LRRTM3: variants seen among roughly 807,000 people sequenced by gnomAD.
LRRTM3 encodes leucine-rich repeat transmembrane neuronal protein 3.
LRRTM3 carries 24 observed loss-of-function variants against 44.7 expected under a neutral mutation model. That is an observed-to-expected ratio of 0.54 (90% CI 0.39 to 0.76). The LOEUF (loss-of-function observed/expected upper bound fraction) is 0.76, where lower values mean the gene tolerates loss of function less well. Ranked by LOEUF, LRRTM3 falls within the 30% of genes least tolerant of loss-of-function variation. LRRTM3 has a pLI of 0.00. For synonymous variants in LRRTM3, 277 were observed against 278.7 expected (o/e 0.99, Z 0.06); for missense variants, 587 against 702.2 (o/e 0.84, Z 1.85).
At chr10:66,945,810 T>C (rs765617330) in intron 2 of LRRTM3, among the ~76,000 whole-genome samples, 1 of 152,122 alleles carries the variant, frequency 6.6e-6, no homozygotes, top group African/African-American at 2.4e-5. Flanking sequence ...ATTTCAACTT[T>C]GATGTGTCTC....
chr10:66,949,790 C>G (rs973989322), intron 2 of LRRTM3, among the ~76,000 whole-genome samples: 7 of 151,916 alleles, frequency 4.6e-5, no homozygotes, highest in African/African-American at 1.7e-4. Flanking sequence ...CTTGTGTTCC[C>G]AATGCACACC....
At chr10:67,047,158 CT>C (rs1564853287) in intron 2 of LRRTM3, among the ~76,000 whole-genome samples, 1 of 152,172 alleles carries the variant, frequency 6.6e-6, no homozygotes, top group African/African-American at 2.4e-5. Flanking sequence ...TATAGAATCT[CT>C]AGTACAATGC....
At chr10:67,040,028 G>A (rs1265148064) in intron 2 of LRRTM3, among the ~76,000 whole-genome samples, 2 of 152,024 alleles carry the variant, frequency 1.3e-5, no homozygotes, top group Admixed American at 6.6e-5. Flanking sequence ...TCATGAGGAG[G>A]GTTAGTGACA....
chr10:66,980,565 T>TTCTGTTTCCCA (rs1564809959), intron 2 of LRRTM3, among the ~76,000 whole-genome samples: 3 of 152,090 alleles, frequency 2.0e-5, no homozygotes, highest in Non-Finnish European at 2.9e-5. Flanking sequence ...GAGACCTTCC[T>TTCTGTTTCCCA]ACCCACCTGT....
intron 2 of LRRTM3, among the ~76,000 whole-genome samples, chr10:67,006,394 T>C (rs962125007): frequency 6.6e-6 from 1 of 152,120 alleles, no homozygotes; most frequent in Non-Finnish European, 1.5e-5. Context: ...CTCCACCCCT[T>C]CTCTTTCTCC....
chr10:67,032,867 A>G (rs749657589), intron 2 of LRRTM3, among the ~76,000 whole-genome samples: 2 of 152,208 alleles, frequency 1.3e-5, no homozygotes, highest in African/African-American at 2.4e-5. Context: ...TTTCAGCTGT[A>G]TATTAAAACA....
intron 2 of LRRTM3, among the ~76,000 whole-genome samples, chr10:67,079,068 A>G (rs1240713627): frequency 6.6e-6 from 1 of 152,216 alleles, no homozygotes; most frequent in East Asian, 1.9e-4. Context: ...ATTTCAAGCC[A>G]CCAATAATTC....
chr10:66,961,350 TA>T (rs1472553582), intron 2 of LRRTM3, among the ~76,000 whole-genome samples: 1 of 152,192 alleles, frequency 6.6e-6, no homozygotes, highest in Admixed American at 6.5e-5. Context: ...TTGCTCAGTC[TA>T]AAGTCAGTTC....
At chr10:66,971,381 G>A (rs1252186875) in intron 2 of LRRTM3, among the ~76,000 whole-genome samples, 1 of 152,008 alleles carries the variant, frequency 6.6e-6, no homozygotes, top group Admixed American at 6.6e-5. Flanking sequence ...AGCCGAGATC[G>A]TGCCACTGCA....
rs560055166 is a variant in LRRTM3 at position 66,960,576 on chromosome 10, GA to G, written c.1536+32128del. The stretch of plus-strand genomic sequence containing the variant: ...TAATTATTCACAAATGACTACAAGA[GA>G]AAAGAGAGAAAAACAGAAGACATTT... On this transcript the variant is annotated intron_variant, in intron 2 of 2. Coordinates refer to ENST00000361320, the MANE Select transcript of LRRTM3 (RefSeq NM_178011.5). Among the ~76,000 whole-genome samples the G allele has an allele frequency of 1.4e-4, 21 of 152,246 alleles. No individual in the cohort carries two copies. In the East Asian group the frequency reaches 4.0e-3, roughly 29 times the overall value.
chr10:67,090,230 G>A (rs10822973), intron 2 of LRRTM3, among the ~76,000 whole-genome samples: 16,909 of 151,928 alleles, frequency 0.11, 1,116 homozygotes, highest in African/African-American at 0.19. Flanking sequence ...CCTTGTATTG[G>A]TCAATATGTG....
Position 66,927,007 on chromosome 10 carries a change from G to A in LRRTM3, c.91G>A (p.Glu31Lys), listed in dbSNP as rs755532610. The A allele has an allele frequency of 2.5e-6, 4 of 1,614,056 alleles. No homozygotes were observed. The highest frequency in any genetic ancestry group is 3.4e-6 in the Non-Finnish European group (4 of 1,180,024). Residue 31 changes from glutamate to lysine, a missense_variant, in exon 2 of 3, where the codon GAA (glutamate) becomes AAA (lysine). Around this residue, in one of 3 missense-constraint regions of LRRTM3, gnomAD observed 50 missense variants for 43.4 expected, o/e 1.15. Transcript: ENST00000361320. The surrounding 1 kb of genome is among the most constrained non-coding windows in gnomAD (Gnocchi z 4.7). ...CTTACTGACAATGCTTTCTTCTGCC[G>A]AACGAGGATGCCCTAAGGGCTGTAG... is the stretch of plus-strand genomic sequence containing the variant. ...TVLLTMLSSA[E>K]RGCPKGCRCE...
chr10:67,072,557 G>A (rs1408123205), intron 2 of LRRTM3, among the ~76,000 whole-genome samples: 1 of 152,146 alleles, frequency 6.6e-6, no homozygotes, highest in African/African-American at 2.4e-5. Flanking sequence ...GAGGCTGGAC[G>A]TCTCAAGCCA....
chr10:67,021,649 T>G (rs1187524310), intron 2 of LRRTM3, among the ~76,000 whole-genome samples: 2 of 152,110 alleles, frequency 1.3e-5, no homozygotes, highest in Non-Finnish European at 2.9e-5. Flanking sequence ...TTATTGCAAC[T>G]AAAATGTAAA....
intron 2 of LRRTM3, among the ~76,000 whole-genome samples, chr10:67,038,523 T>G (rs1435053319): frequency 6.6e-6 from 1 of 152,088 alleles, no homozygotes; most frequent in Non-Finnish European, 1.5e-5. Context: ...TTGATATATA[T>G]TCTGATATCA....
At chr10:67,057,108 T>C (rs1360780587) in intron 2 of LRRTM3, among the ~76,000 whole-genome samples, 1 of 152,228 alleles carries the variant, frequency 6.6e-6, no homozygotes, top group Non-Finnish European at 1.5e-5. Context: ...TCTAAAACAT[T>C]GTCTTTCAAT....
intron 2 of LRRTM3, among the ~76,000 whole-genome samples, chr10:67,086,288 G>A (rs924198348): frequency 1.3e-5 from 2 of 152,002 alleles, no homozygotes; most frequent in Non-Finnish European, 2.9e-5. Context: ...TAAAACAGGT[G>A]CAAGATTTTT....
intron 2 of LRRTM3, among the ~76,000 whole-genome samples, chr10:67,049,559 G>C (rs1220163205): frequency 1.3e-5 from 2 of 151,952 alleles, no homozygotes; most frequent in African/African-American, 4.8e-5. Flanking sequence ...AAACTTCAAG[G>C]GTTTATTTCA....
At chr10:67,021,184 G>T (rs1852987570) in intron 2 of LRRTM3, among the ~76,000 whole-genome samples, 1 of 152,024 alleles carries the variant, frequency 6.6e-6, no homozygotes, top group Non-Finnish European at 1.5e-5. Flanking sequence ...ATCAAGATCA[G>T]AAAAGAAGTT....
Sources: gnomAD v4.1 joint callset for allele counts (sites outside exome capture counted in the v4.1 genomes callset) on GRCh38, gnomAD v4.1.1 for gene constraint, gnomAD v4.1.1 regional missense constraint, Gnocchi (gnomAD v3.1) non-coding constraint, MANE v1.5 for transcripts, NCBI Gene and HGNC (gene_info 2026-07-23, HGNC 2026-07-21) for gene names.